QRICH1: variants seen among roughly 807,000 people sequenced by gnomAD.
The protein encoded by QRICH1 is transcriptional regulator QRICH1.
Under a neutral mutation model 87.1 loss-of-function variants are expected in QRICH1, and 16 were observed. The ratio of observed to expected loss-of-function variants is 0.18; its 90% CI spans 0.12 to 0.28. The LOEUF (loss-of-function observed/expected upper bound fraction) is 0.28, where lower values mean the gene tolerates loss of function less well. Ranked by LOEUF, QRICH1 falls within the 10% of genes least tolerant of loss-of-function variation. The probability of loss-of-function intolerance (pLI) is 1.00; values close to 1 mark genes in which losing one functional copy is unlikely to be tolerated. For synonymous variants in QRICH1, 367 were observed against 368.4 expected, an observed-to-expected ratio of 1.00 and a Z score of 0.05; for missense variants, 647 against 951.7, an observed-to-expected ratio of 0.68 and a Z score of 4.21.
chr3:49,067,798 C>T (rs1199414941), intron 2 of QRICH1, among the ~76,000 whole-genome samples: 1 of 151,972 alleles, frequency 6.6e-6, no homozygotes, highest in East Asian at 1.9e-4. Flanking sequence ...GGCCAACCAA[C>T]ATGGTAAAAC....
At chr3:49,043,889 C>T (rs1044265298) in intron 6 of QRICH1, among the ~76,000 whole-genome samples, 1 of 152,190 alleles carries the variant, frequency 6.6e-6, no homozygotes, top group Non-Finnish European at 1.5e-5. Flanking sequence ...CCTATAGCTC[C>T]AGCTACTCAG....
rs1206930424 is a variant in QRICH1 at position 49,056,986 on chromosome 3, G to A, written c.1214C>T (p.Thr405Met). The A allele has an allele frequency of 3.7e-6, 6 of 1,614,064 alleles. No individual in the cohort carries two copies. Among genetic ancestry groups the A allele is most frequent in the African/African-American group, 1.3e-5 (1 of 74,920 alleles). ...IPVAVQAVAG[T>M]YQNTAQTVHI... is the part of the protein sequence containing the mutation. ...GACAGTTTGAGCCGTATTCTGGTAC[G>A]TGCCTGCCACAGCCTGCACAGCCAC... Residue 405 changes from threonine (T) to methionine (M), a missense_variant, in exon 3 of 10, where the codon ACG (threonine) becomes ATG (methionine). This residue lies in a region of QRICH1 where 115 missense variants were observed against 126.8 expected (regional missense o/e 0.91). Transcript: ENST00000395443.
rs1250478290 is a variant in QRICH1 at position 49,057,140 on chromosome 3, G to A, written c.1060C>T (p.Leu354=). 1.2e-6 allele frequency: 2 copies of A among 1,614,090 alleles called. No individual in the cohort carries two copies. Among genetic ancestry groups the A allele is most frequent in the Non-Finnish European group, 1.7e-6 (2 of 1,180,056 alleles). ...GSPTALAAVK[L]EDDKEKMVGT... is the part of the protein sequence containing the mutation. ...ACCATCTTCTCCTTGTCATCCTCCA[G>A]CTTAACAGCTGCCAGGGCTGTGGGT... The change falls in exon 3 of 10, where the codon CTG becomes TTG. Residue 354 remains leucine, a synonymous_variant. Coordinates refer to ENST00000395443, the MANE Select transcript of QRICH1 (RefSeq NM_198880.3). The surrounding 1 kb of genome is among the most constrained non-coding windows in gnomAD (Gnocchi z 5.4).
rs558019287 is a variant in QRICH1 at position 49,088,931 on chromosome 3, C to T, written c.-22+4981G>A. ...GAGGCACTGTGTTCCACCCATATTT[C>T]GATTTTTAAGGATACTAGCCAACTG... On this transcript the variant is annotated intron_variant, in intron 1 of 9. Coordinates refer to ENST00000395443, the MANE Select transcript of QRICH1 (RefSeq NM_198880.3). Among the ~76,000 whole-genome samples the T allele has an allele frequency of 4.0e-5, 6 of 151,556 alleles. No individual in the cohort carries two copies. In the East Asian group the frequency reaches 7.9e-4, roughly 20 times the overall value.
At chr3:49,037,226 G>A (rs2093281137) in intron 6 of QRICH1, among the ~76,000 whole-genome samples, 1 of 150,988 alleles carries the variant, frequency 6.6e-6, no homozygotes, top group Non-Finnish European at 1.5e-5. Flanking sequence ...CAACTATGAA[G>A]TAATCTTGCC....
chr3:49,081,746 C>T (rs2042064948), intron 1 of QRICH1, among the ~76,000 whole-genome samples: 1 of 152,094 alleles, frequency 6.6e-6, no homozygotes, highest in African/African-American at 2.4e-5. Context: ...AGAGATCTGC[C>T]CACCTCGGCC....
chr3:49,044,950 T>C (rs1409385569), intron 5 of QRICH1, among the ~76,000 whole-genome samples: 2 of 151,808 alleles, frequency 1.3e-5, no homozygotes. Flanking sequence ...AGTACTTAGG[T>C]TAGGACCACC....
At chr3:49,090,932 C>G (rs1447927158) in intron 1 of QRICH1, among the ~76,000 whole-genome samples, 1 of 152,144 alleles carries the variant, frequency 6.6e-6, no homozygotes, top group East Asian at 1.9e-4. Flanking sequence ...CAGAAAAGAA[C>G]AGGTAATAGG....
At chr3:49,044,337 A>C in intron 6 of QRICH1, 53 bp downstream of exon 6, 1 of 1,379,658 alleles carries the variant, frequency 7.2e-7, no homozygotes, top group African/African-American at 1.5e-5. Flanking sequence ...GAAGCTATTG[A>C]TCTTTCTTAA....
chr3:49,062,396 A>G (rs1470091187), intron 2 of QRICH1, among the ~76,000 whole-genome samples: 2 of 139,888 alleles, frequency 1.4e-5, no homozygotes, highest in Admixed American at 7.2e-5. Context: ...TTTGGGAGGT[A>G]AAGTCTTGCC....
In QRICH1 at chr3:49,057,973, A is replaced by T; in HGVS notation, c.310-83T>A. ...CAAGGAAAGAAAGAAAAGAGATCCCAGACAGGGGACCTGCAAAATGTGAGA... is the reference window on the plus strand; with the variant it reads ...CAAGGAAAGAAAGAAAAGAGATCCCTGACAGGGGACCTGCAAAATGTGAGA... On this transcript the variant is annotated intron_variant, in intron 2 of 9. Transcript: ENST00000395443. This position sits in a 1 kb window ranked among gnomAD's most constrained non-coding sequence, Gnocchi z 5.4. The T allele has an allele frequency of 6.2e-7, 1 of 1,605,554 alleles. No homozygotes were observed.
chr3:49,042,052 C>T (rs989786232), intron 6 of QRICH1, among the ~76,000 whole-genome samples: 2 of 133,964 alleles, frequency 1.5e-5, no homozygotes, highest in African/African-American at 5.5e-5. Flanking sequence ...GGATTACAGG[C>T]GTGAGCCACC....
intron 2 of QRICH1, among the ~76,000 whole-genome samples, chr3:49,071,893 T>C (rs916255564): frequency 2.0e-5 from 3 of 152,134 alleles, no homozygotes; most frequent in African/African-American, 7.2e-5. Context: ...GATTTCGCCA[T>C]GTTGCCCAGG....
At chr3:49,049,190 C>T (rs1452019729) in intron 3 of QRICH1, among the ~76,000 whole-genome samples, 1 of 151,880 alleles carries the variant, frequency 6.6e-6, no homozygotes, top group Non-Finnish European at 1.5e-5. Context: ...AGGCATGAGC[C>T]ACTGTGCCTG....
chr3:49,069,104 A>ATTTTT (rs201458261), intron 2 of QRICH1, among the ~76,000 whole-genome samples: 28 of 103,076 alleles, frequency 2.7e-4, no homozygotes, highest in African/African-American at 1.1e-3. Context: ...TATTATTATT[A>ATTTTT]TTATTTTTTT....
At chr3:49,050,471 G>T (rs1235190284) in intron 3 of QRICH1, among the ~76,000 whole-genome samples, 1 of 148,562 alleles carries the variant, frequency 6.7e-6, no homozygotes, top group Non-Finnish European at 1.5e-5. Context: ...TCTCAAAGGT[G>T]CTATAAAATG....
At chr3:49,056,785 G>A in intron 3 of QRICH1, 77 bp downstream of exon 3, 9 of 1,602,178 alleles carry the variant, frequency 5.6e-6, no homozygotes, top group Non-Finnish European at 7.7e-6. Flanking sequence ...ATAAGCCAGA[G>A]GTTGCGAGGC....
At chr3:49,050,796 T>C (rs1183642429) in intron 3 of QRICH1, among the ~76,000 whole-genome samples, 1 of 152,122 alleles carries the variant, frequency 6.6e-6, no homozygotes, top group Non-Finnish European at 1.5e-5. Flanking sequence ...CTAAGACATC[T>C]AGCACAGACC....
At chr3:49,052,606 G>A (rs1239450150) in intron 3 of QRICH1, among the ~76,000 whole-genome samples, 2 of 152,142 alleles carry the variant, frequency 1.3e-5, no homozygotes, top group African/African-American at 2.4e-5. Flanking sequence ...CCCAGGTTCA[G>A]GCAATTCTGT....
Sources: gnomAD v4.1 joint callset for allele counts (sites outside exome capture counted in the v4.1 genomes callset) on GRCh38, gnomAD v4.1.1 for gene constraint, gnomAD v4.1.1 regional missense constraint, Gnocchi (gnomAD v3.1) non-coding constraint, MANE v1.5 for transcripts, NCBI Gene and HGNC (gene_info 2026-07-23, HGNC 2026-07-21) for gene names.